The following LRRC8A variants were observed in gnomAD, a reference collection of about 807,000 sequenced individuals.
LRRC8A encodes leucine rich repeat containing 8 VRAC subunit A.
Under a neutral mutation model 52.5 loss-of-function variants are expected in LRRC8A, and 24 were observed. That is an observed-to-expected ratio of 0.46 (90% CI 0.33 to 0.64). LRRC8A has a LOEUF of 0.64. Ranked by LOEUF, LRRC8A falls within the 30% of genes least tolerant of loss-of-function variation. The pLI, the probability that LRRC8A is intolerant of heterozygous loss-of-function variation, is 0.02. For missense variants in LRRC8A, 677 were observed against 1,094.7 expected, an observed-to-expected ratio of 0.62 and a Z score of 5.38; for synonymous variants, 492 against 494.2, an observed-to-expected ratio of 1.00 and a Z score of 0.06.
rs564217920 is a variant in LRRC8A at position 128,908,910 on chromosome 9, C to T, written c.1746C>T (p.Ile582=). 1.2e-5 allele frequency: 20 copies of T among 1,613,882 alleles called. No homozygotes were observed. The highest frequency in any genetic ancestry group is 9.3e-5 in the African/African-American group (7 of 74,906). Residue 582 remains isoleucine, a synonymous_variant, in exon 3 of 4, where the codon ATC becomes ATT. Coordinates refer to ENST00000372600, the MANE Select transcript of LRRC8A (RefSeq NM_019594.4). ...LSINNEGTKL[I]VLNSLKKMAN... ...TCAACAATGAGGGCACCAAGCTCAT[C>T]GTCCTCAACAGCCTCAAGAAGATGG...
intron 2 of LRRC8A, among the ~76,000 whole-genome samples, chr9:128,886,582 A>T (rs1256505395): frequency 6.6e-6 from 1 of 152,164 alleles, no homozygotes; most frequent in Non-Finnish European, 1.5e-5. Context: ...GCTGATCACG[A>T]TAAGGGAGCT....
In LRRC8A at chr9:128,916,229, A is replaced by G; in HGVS notation, c.2291A>G (p.Asn764Ser). ...TNLTQIELRG[N>S]RLECLPVELG... is the part of the protein sequence containing the mutation. ...CTGACGCAGATCGAGCTGCGGGGCA[A>G]CCGGCTGGAGTGCCTGCCTGTGGAG... The change falls in exon 4 of 4, where the codon AAC becomes AGC. Residue 764 changes from asparagine to serine, a missense_variant. By Grantham distance (46) the Asn-to-Ser change is conservative. Transcript: ENST00000372600. The surrounding 1 kb of genome is among the most constrained non-coding windows in gnomAD (Gnocchi z 6.1). The G allele has an allele frequency of 1.2e-6, 2 of 1,613,714 alleles. No homozygotes were observed. Among genetic ancestry groups the G allele is most frequent in the Non-Finnish European group, 1.7e-6 (2 of 1,179,966 alleles).
chr9:128,909,280 C>T lies in LRRC8A; in HGVS notation c.2116C>T (p.Leu706Phe). The change falls in exon 3 of 4, where the codon CTC becomes TTC. Residue 706 changes from leucine (L) to phenylalanine (F), a missense_variant. Leu to Phe is a conservative substitution (Grantham distance 22). This residue lies in a region of LRRC8A where 169 missense variants were observed against 217.6 expected (regional missense o/e 0.78). Transcript: ENST00000372600. The stretch of plus-strand genomic sequence containing the variant: ...GACCTTCCTCCCTGCCGACATCGGC[C>T]TCCTGCAGAACCTCCAGAACCTAGC... ...NLTFLPADIG[L>F]LQNLQNLAIT... 1 of 1,613,926 alleles carries T rather than the reference C, an allele frequency of 6.2e-7. No homozygotes were observed. Among genetic ancestry groups the T allele is most frequent in the Non-Finnish European group, 8.5e-7 (1 of 1,180,048 alleles).
chr9:128,901,845 G>C (rs1166677787), intron 2 of LRRC8A, among the ~76,000 whole-genome samples: 2 of 152,210 alleles, frequency 1.3e-5, no homozygotes, highest in Non-Finnish European at 1.5e-5. Context: ...GGCTCCTGTT[G>C]GGGTGGGGCT....
chr9:128,898,083 TGTGTA>T (rs1839891837), intron 2 of LRRC8A, among the ~76,000 whole-genome samples: 1 of 124,986 alleles, frequency 8.0e-6, no homozygotes, highest in Non-Finnish European at 1.7e-5. Flanking sequence ...TGTGTGTGTG[TGTGTA>T]ATTTATGGCA....
intron 3 of LRRC8A, among the ~76,000 whole-genome samples, chr9:128,914,198 T>TCCCCCG (rs574601065): frequency 6.9e-4 from 88 of 127,374 alleles, no homozygotes; most frequent in Non-Finnish European, 1.1e-3. Flanking sequence ...TGAGACTCCG[T>TCCCCCG]CCCCCGCCCC....
In LRRC8A at chr9:128,907,042, T is replaced by G; in HGVS notation, c.-8-115T>G. On this transcript the variant is annotated intron_variant, in intron 2 of 3. Transcript: ENST00000372600. The surrounding 1 kb of genome is among the most constrained non-coding windows in gnomAD (Gnocchi z 9.3). ...AGGCAGGCTTTGGCTCCCAGCTAGATTTGAGGTGGAATTTTGGACAATGGA... is the reference window on the plus strand; with the variant it reads ...AGGCAGGCTTTGGCTCCCAGCTAGAGTTGAGGTGGAATTTTGGACAATGGA... The G allele has an allele frequency of 2.2e-6, 2 of 908,498 alleles. No individual in the cohort carries two copies. The highest frequency in any genetic ancestry group is 3.4e-6 in the Non-Finnish European group (2 of 592,196). 56.3% of individuals were successfully genotyped at this position (908,498 alleles called of 1,614,324 possible). A position where few individuals can be genotyped will look rare whatever the true frequency, so the allele number is the denominator to read the frequency against.
At chr9:128,900,245 C>T (rs960819772) in intron 2 of LRRC8A, among the ~76,000 whole-genome samples, 1 of 152,242 alleles carries the variant, frequency 6.6e-6, no homozygotes, top group Non-Finnish European at 1.5e-5. Context: ...AGCACCCCAC[C>T]CCACCTTGTC....
At chr9:128,913,728 C>T (rs1443998934) in intron 3 of LRRC8A, among the ~76,000 whole-genome samples, 2 of 152,148 alleles carry the variant, frequency 1.3e-5, no homozygotes, top group African/African-American at 2.4e-5. Context: ...GAGGAGATCA[C>T]GGGGTGGGAG....
chr9:128,910,177 C>T (rs2131032863), intron 3 of LRRC8A, among the ~76,000 whole-genome samples: 1 of 152,290 alleles, frequency 6.6e-6, no homozygotes, highest in South Asian at 2.1e-4. Flanking sequence ...GGGGAACGTC[C>T]CTCTTCCACC....
In LRRC8A at chr9:128,902,888, C is replaced by A. The variant is rs1374664298; in HGVS notation, c.-8-4269C>A. ...CTGGCCTGGAGCTGCCAGCCCAGGG[C>A]GGGCGGTGGTGTCTGCTGGCCCCTT... is the stretch of plus-strand genomic sequence containing the variant. On this transcript the variant is annotated intron_variant, in intron 2 of 3. Coordinates refer to ENST00000372600, the MANE Select transcript of LRRC8A (RefSeq NM_019594.4). This position sits in a 1 kb window ranked among gnomAD's most constrained non-coding sequence, Gnocchi z 4.1. 6.6e-6 allele frequency among the ~76,000 whole-genome samples: 1 copy of A among 152,082 alleles called. No homozygotes were observed. Among genetic ancestry groups the A allele is most frequent in the Admixed American group, 6.5e-5 (1 of 15,268 alleles).
Position 128,908,101 on chromosome 9 carries a change from C to T in LRRC8A, c.937C>T (p.Pro313Ser). 1 of 1,613,978 alleles carries T rather than the reference C, an allele frequency of 6.2e-7. No homozygotes were observed. The highest frequency in any genetic ancestry group is 8.5e-7 in the Non-Finnish European group (1 of 1,180,026). Reference sequence around the variant, plus strand: ...CTACCGCACCTACCGCTGTGCCCACCCCCTGGCCACACTCTTCAAGATCCT... The same window carrying T: ...CTACCGCACCTACCGCTGTGCCCACTCCCTGGCCACACTCTTCAAGATCCT... Reference protein sequence around the residue: ...TGYRTYRCAHPLATLFKILAS... With the variant: ...TGYRTYRCAHSLATLFKILAS... The change falls in exon 3 of 4, where the codon CCC (proline) becomes TCC (serine). Residue 313 changes from proline (P) to serine (S), a missense_variant. By Grantham distance (74) the Pro-to-Ser change is moderately conservative. Around this residue, in one of 4 missense-constraint regions of LRRC8A, gnomAD observed 422 missense variants for 741.5 expected, o/e 0.57. Coordinates refer to ENST00000372600, the MANE Select transcript of LRRC8A (RefSeq NM_019594.4).
At chr9:128,885,753 C>T (rs1200842449) in intron 1 of LRRC8A, among the ~76,000 whole-genome samples, 1 of 152,142 alleles carries the variant, frequency 6.6e-6, no homozygotes, top group Non-Finnish European at 1.5e-5. Flanking sequence ...ACTAAAAATA[C>T]AAAAAATTAG....
Position 128,916,268 on chromosome 9 carries a change from C to T in LRRC8A, c.2330C>T (p.Pro777Leu). 8 of 1,613,826 alleles carry T rather than the reference C, an allele frequency of 5.0e-6. No individual in the cohort carries two copies. The highest frequency in any genetic ancestry group is 6.8e-6 in the Non-Finnish European group (8 of 1,179,958). Residue 777 changes from proline (P) to leucine (L), a missense_variant, in exon 4 of 4, where the codon CCA (proline) becomes CTA (leucine). Around this residue, in one of 4 missense-constraint regions of LRRC8A, gnomAD observed 169 missense variants for 217.6 expected, o/e 0.78. Transcript: ENST00000372600. This position sits in a 1 kb window ranked among gnomAD's most constrained non-coding sequence, Gnocchi z 6.1. The stretch of plus-strand genomic sequence containing the variant: ...CTGCCTGTGGAGCTGGGCGAGTGCC[C>T]ACTGCTCAAGCGCAGCGGCTTGGTG... Reference protein sequence around the residue: ...ECLPVELGECPLLKRSGLVVE... With the variant: ...ECLPVELGECLLLKRSGLVVE...
At position 128,907,197 on chromosome 9, in the gene LRRC8A, G is replaced by A. The variant is rs202218761; in HGVS notation, c.33G>A (p.Ala11=). The A allele has an allele frequency of 1.2e-4, 195 of 1,611,182 alleles. No homozygotes were observed. Among genetic ancestry groups the A allele is most frequent in the East Asian group, 5.1e-4 (23 of 44,802 alleles). Residue 11 remains alanine, a synonymous_variant, in exon 3 of 4, where the codon GCG becomes GCA. Coordinates refer to ENST00000372600, the MANE Select transcript of LRRC8A (RefSeq NM_019594.4). This position sits in a 1 kb window ranked among gnomAD's most constrained non-coding sequence, Gnocchi z 9.3. MIPVTELRYF[A]DTQPAYRILK... ...CGGTGACAGAGCTCCGCTACTTTGC[G>A]GACACGCAGCCAGCATACCGGATCC...
intron 2 of LRRC8A, among the ~76,000 whole-genome samples, chr9:128,905,475 G>A (rs1840210756): frequency 6.6e-6 from 1 of 152,334 alleles, no homozygotes; most frequent in Admixed American, 6.5e-5. Flanking sequence ...CACAGTCTGG[G>A]TTTCCTAATG....
intron 3 of LRRC8A, among the ~76,000 whole-genome samples, chr9:128,913,067 G>A (rs1469563217): frequency 6.6e-6 from 1 of 152,176 alleles, no homozygotes; most frequent in Admixed American, 6.5e-5. Context: ...CATGGGTGAA[G>A]ATGGGTCCTT....
chr9:128,898,591 C>T (rs528831745), intron 2 of LRRC8A, among the ~76,000 whole-genome samples: 1 of 152,258 alleles, frequency 6.6e-6, no homozygotes, highest in Admixed American at 6.5e-5. Flanking sequence ...CATCCACCCG[C>T]AGGCTCTGGC....
At chr9:128,898,331 C>G (rs993560046) in intron 2 of LRRC8A, among the ~76,000 whole-genome samples, 3 of 152,192 alleles carry the variant, frequency 2.0e-5, no homozygotes, top group Admixed American at 2.0e-4. Flanking sequence ...AGCAATTCTC[C>G]TGCCTCAGCC....
Sources: allele counts gnomAD v4.1 joint callset (sites outside exome capture counted in the v4.1 genomes callset), GRCh38; gene constraint gnomAD v4.1.1; regional missense constraint gnomAD v4.1.1; non-coding constraint Gnocchi (gnomAD v3.1); transcripts MANE v1.5; gene names NCBI Gene and HGNC (gene_info 2026-07-23, HGNC 2026-07-21).